The following AGAP1 variants were observed in gnomAD, a reference collection of about 807,000 sequenced individuals.
AGAP1 encodes arf-GAP with GTPase, ANK repeat and PH domain-containing protein 1.
In AGAP1, 29 loss-of-function variants were observed where a neutral mutation model predicts 105.3. The ratio of observed to expected loss-of-function variants is 0.28; its 90% confidence interval spans 0.21 to 0.38. The LOEUF (loss-of-function observed/expected upper bound fraction) is 0.38. Among genes scored for constraint, AGAP1 ranks in the 10% least tolerant of loss-of-function variants. The probability of loss-of-function intolerance (pLI) is 1.00; values close to 1 mark genes in which losing one functional copy is unlikely to be tolerated. For missense variants in AGAP1, 998 were observed against 1,165.1 expected (o/e 0.86, Z 2.09); for synonymous variants, 509 against 485.9 (o/e 1.05, Z -0.63).
intron 9 of AGAP1, among the ~76,000 whole-genome samples, chr2:235,844,226 C>G (rs1961201314): frequency 6.6e-6 from 1 of 152,178 alleles, no homozygotes; most frequent in Non-Finnish European, 1.5e-5. Flanking sequence ...CTTGAATGTT[C>G]TAAACAACGA....
Position 235,815,222 on chromosome 2 carries a change from C to T in AGAP1, c.1050+7891C>T, listed in dbSNP as rs1440500338. Among the ~76,000 whole-genome samples, 38 of 152,250 alleles carry T rather than the reference C, an allele frequency of 2.5e-4. No individual in the cohort carries two copies. The East Asian group carries it at 2.5e-3, about 10-fold the overall frequency. On this transcript the variant is annotated intron_variant, in intron 9 of 17. Transcript: ENST00000304032. ...CCCTAATGAAATCCTGCAGCCTGGG[C>T]GGCTTAAACAGCACAAGTTGATCTC...
At chr2:235,819,926 G>C (rs905097488) in intron 9 of AGAP1, among the ~76,000 whole-genome samples, 6 of 126,792 alleles carry the variant, frequency 4.7e-5, no homozygotes, top group Non-Finnish European at 8.3e-5. Context: ...TTTTTGAGAC[G>C]GAGTTTTGCT....
chr2:235,669,630 C>T (rs866206938), intron 1 of AGAP1: 1 of 146,804 alleles, frequency 6.8e-6, no homozygotes, highest in African/African-American at 2.4e-5. Flanking sequence ...AACCGCCGCC[C>T]GCCGCCCGCC....
chr2:235,529,178 A>G (rs1942957876), intron 1 of AGAP1, among the ~76,000 whole-genome samples: 1 of 152,170 alleles, frequency 6.6e-6, no homozygotes, highest in South Asian at 2.1e-4. Context: ...TGGCCAGGCA[A>G]GTGTTGCCTT....
rs4641890 is a variant in AGAP1 at position 236,123,570 on chromosome 2, G to A, written c.2371-349G>A. Among the ~76,000 whole-genome samples, 30,155 of 151,974 alleles carry A rather than the reference G, an allele frequency of 0.2. 3,689 individuals are homozygous for A. The highest frequency in any genetic ancestry group is 0.35 in the African/African-American group (14,316 of 41,394). On this transcript the variant is annotated intron_variant, in intron 17 of 17. Coordinates refer to ENST00000304032, the MANE Select transcript of AGAP1 (RefSeq NM_001037131.3). This position sits in a 1 kb window ranked among gnomAD's most constrained non-coding sequence, Gnocchi z 4.6. ...CTTCTTGAGCTGTTATGTGTTATTTGTGTATTTCCTATAATGAAAATTCTG... is the reference window on the plus strand; with the variant it reads ...CTTCTTGAGCTGTTATGTGTTATTTATGTATTTCCTATAATGAAAATTCTG...
intron 1 of AGAP1, among the ~76,000 whole-genome samples, chr2:235,598,457 G>A (rs185278959): frequency 1.0e-3 from 154 of 152,254 alleles, no homozygotes; most frequent in Non-Finnish European, 1.7e-3. Flanking sequence ...CTTAACTCTT[G>A]TTTATATCAA....
intron 16 of AGAP1, among the ~76,000 whole-genome samples, chr2:236,111,877 C>T (rs2059654369): frequency 6.6e-6 from 1 of 152,154 alleles, no homozygotes; most frequent in Non-Finnish European, 1.5e-5. Context: ...TGGCATCCCC[C>T]AGTCACTTGA....
intron 12 of AGAP1, among the ~76,000 whole-genome samples, chr2:235,932,445 A>T (rs2052768773): frequency 6.6e-6 from 1 of 152,210 alleles, no homozygotes; most frequent in African/African-American, 2.4e-5. Flanking sequence ...TAAAATATGT[A>T]TTATCAATTA....
At chr2:235,839,651 G>A (rs1260851930) in intron 9 of AGAP1, among the ~76,000 whole-genome samples, 1 of 152,114 alleles carries the variant, frequency 6.6e-6, no homozygotes, top group Non-Finnish European at 1.5e-5. Flanking sequence ...TTCCTGGGGA[G>A]GGCAGATTTG....
intron 3 of AGAP1, among the ~76,000 whole-genome samples, chr2:235,731,624 A>G (rs935691457): frequency 1.7e-4 from 26 of 152,096 alleles, no homozygotes; most frequent in African/African-American, 6.0e-4. Flanking sequence ...AGAGCTCTCC[A>G]TGTGTGAGTT....
chr2:235,844,733 A>G (rs1961273058), intron 9 of AGAP1, among the ~76,000 whole-genome samples: 1 of 152,096 alleles, frequency 6.6e-6, no homozygotes, highest in South Asian at 2.1e-4. Context: ...CTGGGCACAC[A>G]GTGTTCTTCC....
intron 12 of AGAP1, among the ~76,000 whole-genome samples, chr2:235,932,415 C>T (rs929197491): frequency 6.6e-6 from 1 of 152,226 alleles, no homozygotes; most frequent in East Asian, 1.9e-4. Context: ...TTCACATACT[C>T]GTTTCATTAT....
intron 9 of AGAP1, among the ~76,000 whole-genome samples, chr2:235,840,723 C>T (rs1412984851): frequency 6.6e-6 from 1 of 150,844 alleles, no homozygotes; most frequent in African/African-American, 2.4e-5. Flanking sequence ...TAGATAGGAC[C>T]GATGGACAGG....
chr2:235,699,069 T>TCCCC (rs5839607), intron 1 of AGAP1, among the ~76,000 whole-genome samples: 3 of 140,390 alleles, frequency 2.1e-5, no homozygotes, highest in Non-Finnish European at 3.2e-5. Flanking sequence ...GCATCAGACA[T>TCCCC]CCCCCCCCCC....
chr2:235,794,213 A>C lies in AGAP1; in HGVS notation c.674-3546A>C, dbSNP rs1364412929. On this transcript the variant is annotated intron_variant, in intron 6 of 17. Coordinates refer to ENST00000304032, the MANE Select transcript of AGAP1 (RefSeq NM_001037131.3). ...TTGCACAGTTGAAGGGGCTAGTTAGAGGTATCTTTTATCTGTTAACCCAAA... is the reference window on the plus strand; with the variant it reads ...TTGCACAGTTGAAGGGGCTAGTTAGCGGTATCTTTTATCTGTTAACCCAAA... Among the ~76,000 whole-genome samples the C allele has an allele frequency of 2.6e-5, 4 of 152,280 alleles. No homozygotes were observed. The East Asian group carries it at 7.7e-4, about 29-fold the overall frequency.
At chr2:235,952,787 C>G (rs1317066752) in intron 12 of AGAP1, among the ~76,000 whole-genome samples, 1 of 152,130 alleles carries the variant, frequency 6.6e-6, no homozygotes, top group Admixed American at 6.5e-5. Context: ...CTGAGCCTCA[C>G]CATCCTGGTG....
intron 1 of AGAP1, among the ~76,000 whole-genome samples, chr2:235,634,734 A>G (rs1946936537): frequency 1.3e-5 from 2 of 152,276 alleles, no homozygotes; most frequent in South Asian, 2.1e-4. Flanking sequence ...TTCTTGCTTT[A>G]GTTTGAAACT....
intron 6 of AGAP1, among the ~76,000 whole-genome samples, chr2:235,773,251 G>A (rs1401994248): frequency 1.3e-5 from 2 of 152,126 alleles, no homozygotes; most frequent in Non-Finnish European, 2.9e-5. Context: ...ATGAAGTCAT[G>A]GCCCCCAGTC....
At chr2:235,527,392 A>G (rs1447922658) in intron 1 of AGAP1, among the ~76,000 whole-genome samples, 2 of 152,196 alleles carry the variant, frequency 1.3e-5, no homozygotes, top group African/African-American at 2.4e-5. Flanking sequence ...ATTGATTGAG[A>G]CAGGGTCTCA....
Sources: allele counts gnomAD v4.1 joint callset (sites outside exome capture counted in the v4.1 genomes callset), GRCh38; gene constraint gnomAD v4.1.1; non-coding constraint Gnocchi (gnomAD v3.1); transcripts MANE v1.5; gene names NCBI Gene and HGNC (gene_info 2026-07-23, HGNC 2026-07-21).